CTNND2: variants seen among roughly 807,000 people sequenced by gnomAD.
The protein encoded by CTNND2 is catenin delta 2, also known as catenin delta-2.
Under a neutral mutation model 144.4 loss-of-function variants are expected in CTNND2, and 22 were observed. The observed-to-expected ratio is 0.15, with a 90% CI of 0.11 to 0.22. The LOEUF is 0.22. CTNND2 is among the 10% of genes least tolerant of loss of function. The pLI is 1.00. For synonymous variants in CTNND2, 751 were observed against 695.6 expected (o/e 1.08, Z -1.25); for missense variants, 1,353 against 1,618.8 (o/e 0.84, Z 2.82).
At chr5:11,160,775 G>A (rs903337269) in intron 11 of CTNND2, among the ~76,000 whole-genome samples, 49 of 152,128 alleles carry the variant, frequency 3.2e-4, no homozygotes, top group Admixed American at 2.8e-3. Flanking sequence ...ATATTTTAAC[G>A]AAATGCGATT....
chr5:11,661,817 G>A (rs933111199), intron 2 of CTNND2, among the ~76,000 whole-genome samples: 14 of 151,682 alleles, frequency 9.2e-5, no homozygotes, highest in Admixed American at 7.9e-4. Flanking sequence ...TATATGTCAC[G>A]GACTGGTACC....
intron 10 of CTNND2, among the ~76,000 whole-genome samples, chr5:11,227,274 G>T (rs1255583818): frequency 1.3e-5 from 2 of 152,196 alleles, no homozygotes; most frequent in Admixed American, 1.3e-4. Context: ...TGTTCTCTCT[G>T]CCATGATATG....
chr5:11,887,697 A>G (rs898253779), intron 1 of CTNND2, among the ~76,000 whole-genome samples: 1 of 152,174 alleles, frequency 6.6e-6, no homozygotes, highest in Non-Finnish European at 1.5e-5. Context: ...AATTTTCCCT[A>G]AAGTTCTTTT....
chr5:11,739,240 G>C (rs1268422503), intron 1 of CTNND2, among the ~76,000 whole-genome samples: 1 of 152,112 alleles, frequency 6.6e-6, no homozygotes, highest in Admixed American at 6.6e-5. Context: ...AATCCAGGCA[G>C]GAGAGGTCTT....
chr5:11,412,999 G>A (rs774306235), intron 3 of CTNND2, among the ~76,000 whole-genome samples: 1 of 152,172 alleles, frequency 6.6e-6, no homozygotes, highest in Non-Finnish European at 1.5e-5. Context: ...GAGAAAAAGG[G>A]AATTCTGGGT....
At chr5:11,272,907 T>C (rs573056786) in intron 9 of CTNND2, among the ~76,000 whole-genome samples, 2 of 152,342 alleles carry the variant, frequency 1.3e-5, no homozygotes, top group East Asian at 3.9e-4. Flanking sequence ...CCTCCTTTTA[T>C]TGTACAACCT....
intron 12 of CTNND2, among the ~76,000 whole-genome samples, chr5:11,119,938 T>C (rs1054214213): frequency 1.3e-5 from 2 of 152,166 alleles, no homozygotes; most frequent in African/African-American, 4.8e-5. Context: ...AACTTCCTAA[T>C]AATCAGCCCT....
intron 16 of CTNND2, among the ~76,000 whole-genome samples, chr5:11,045,584 C>T (rs889557899): frequency 6.6e-6 from 1 of 152,164 alleles, no homozygotes; most frequent in Non-Finnish European, 1.5e-5. Context: ...GGCTGCATCG[C>T]TCCCATCTCT....
In CTNND2 at chr5:11,623,857, C is replaced by T. The variant is rs1781010691; in HGVS notation, c.175-58801G>A. Among the ~76,000 whole-genome samples, 9 of 92,158 alleles carry T rather than the reference C, an allele frequency of 9.8e-5. No homozygotes were observed. The South Asian group carries it at 3.3e-3, about 34-fold the overall frequency. The allele number at this position is 92,158 out of a possible 152,430, so 60.5% of individuals were successfully genotyped here. A position where few individuals can be genotyped will look rare whatever the true frequency, so the allele number is the denominator to read the frequency against. On this transcript the variant is annotated intron_variant, in intron 2 of 21. Coordinates refer to ENST00000304623, the MANE Select transcript of CTNND2 (RefSeq NM_001332.4). ...ATATATATATATATATATATATGCA[C>T]CAAAAAAGGAGCAGCCAGATTCATA...
chr5:11,024,660 A>T (rs1348133016), intron 16 of CTNND2, among the ~76,000 whole-genome samples: 3 of 152,226 alleles, frequency 2.0e-5, no homozygotes, highest in Non-Finnish European at 4.4e-5. Flanking sequence ...TTGACTGTGT[A>T]TGGAGGACTG....
At chr5:11,297,479 T>C (rs1174605349) in intron 9 of CTNND2, among the ~76,000 whole-genome samples, 1 of 152,214 alleles carries the variant, frequency 6.6e-6, no homozygotes, top group Non-Finnish European at 1.5e-5. Context: ...AATTATAAAA[T>C]AATGTTATTC....
chr5:11,846,226 A>G (rs115216146), intron 1 of CTNND2, among the ~76,000 whole-genome samples: 20 of 152,274 alleles, frequency 1.3e-4, no homozygotes, highest in Non-Finnish European at 2.5e-4. Flanking sequence ...CAGAAATATT[A>G]ATGGAAAAAT....
chr5:11,081,866 T>C (rs1749614089), intron 16 of CTNND2, among the ~76,000 whole-genome samples: 1 of 152,188 alleles, frequency 6.6e-6, no homozygotes, highest in Admixed American at 6.5e-5. Flanking sequence ...GAACAGTGTT[T>C]GCCTTTGGGG....
chr5:11,622,889 G>C (rs1338371070), intron 2 of CTNND2, among the ~76,000 whole-genome samples: 1 of 152,096 alleles, frequency 6.6e-6, no homozygotes, highest in Non-Finnish European at 1.5e-5. Context: ...TACCCCTTAA[G>C]CATGTAAGAT....
intron 3 of CTNND2, among the ~76,000 whole-genome samples, chr5:11,540,045 A>G (rs1291076057): frequency 6.6e-6 from 1 of 152,170 alleles, no homozygotes; most frequent in Non-Finnish European, 1.5e-5. Flanking sequence ...AAAATTAAAA[A>G]TTAAAAATTA....
intron 9 of CTNND2, among the ~76,000 whole-genome samples, chr5:11,306,022 G>A (rs959155066): frequency 6.6e-6 from 1 of 152,206 alleles, no homozygotes; most frequent in Admixed American, 6.5e-5. Context: ...TCTTAAGAGA[G>A]TTTTTGAAGA....
intron 2 of CTNND2, among the ~76,000 whole-genome samples, chr5:11,656,083 A>C (rs1782899251): frequency 6.6e-6 from 1 of 152,160 alleles, no homozygotes; most frequent in South Asian, 2.1e-4. Flanking sequence ...TTTAGAATTC[A>C]GACATGGTTA....
In CTNND2 at chr5:11,022,900, C is replaced by T. The variant is rs374086847; in HGVS notation, c.2868G>A (p.Ser956=). Reference sequence around the variant, plus strand: ...AGCAGACAGCTGTCACTGTGTCATCCGACATGGCCTTGCTTGCAGTGTTGT... The same window carrying T: ...AGCAGACAGCTGTCACTGTGTCATCTGACATGGCCTTGCTTGCAGTGTTGT... The part of the protein sequence containing the change: ...NSNNTASKAM[S]DDTVTAVCCT... The change falls in exon 17 of 22, where the codon TCG becomes TCA. Residue 956 remains serine (S), a synonymous_variant. Coordinates refer to ENST00000304623, the MANE Select transcript of CTNND2 (RefSeq NM_001332.4). 9.9e-6 allele frequency: 16 copies of T among 1,614,072 alleles called. No individual in the cohort carries two copies. Among genetic ancestry groups the T allele is most frequent in the Middle Eastern group, 3.3e-4 (2 of 6,084 alleles).
intron 3 of CTNND2, among the ~76,000 whole-genome samples, chr5:11,508,633 C>A (rs1175340201): frequency 6.6e-6 from 1 of 152,118 alleles, no homozygotes; most frequent in Non-Finnish European, 1.5e-5. Context: ...TTCCCAGGGC[C>A]GGGTGCAGTG....
Sources: gnomAD v4.1 joint callset for allele counts (sites outside exome capture counted in the v4.1 genomes callset) on GRCh38, gnomAD v4.1.1 for gene constraint, MANE v1.5 for transcripts, NCBI Gene and HGNC (gene_info 2026-07-23, HGNC 2026-07-21) for gene names.